CYTH3: variants seen among roughly 807,000 people sequenced by gnomAD.
CYTH3 encodes cytohesin-3.
Under a neutral mutation model 55.1 loss-of-function variants are expected in CYTH3, and 23 were observed. That is an observed-to-expected ratio of 0.42 (90% CI 0.30 to 0.59). CYTH3 has a LOEUF of 0.59. CYTH3 is among the 20% of genes least tolerant of loss of function. The pLI is 0.20. For synonymous variants in CYTH3, 249 were observed against 194.9 expected (o/e 1.28, Z -2.31); for missense variants, 413 against 524.8 (o/e 0.79, Z 2.08).
chr7:6,198,060 C>T (rs557110448), intron 1 of CYTH3, among the ~76,000 whole-genome samples: 3 of 143,274 alleles, frequency 2.1e-5, no homozygotes, highest in East Asian at 4.9e-4. Flanking sequence ...TGCTACTGCA[C>T]TCCAACCTGA....
chr7:6,187,199 C>G (rs1027560929), intron 3 of CYTH3, 83 bp from the exon 4 acceptor site: 1 of 1,437,560 alleles, frequency 7.0e-7, no homozygotes, highest in Non-Finnish European at 9.8e-7. Context: ...TACTTTCCCC[C>G]GCAACAACGG....
chr7:6,258,312 CAAAAA>C (rs1203222006), intron 1 of CYTH3, among the ~76,000 whole-genome samples: 1 of 123,066 alleles, frequency 8.1e-6, no homozygotes, highest in Admixed American at 8.3e-5. Flanking sequence ...GACACAGTCT[CAAAAA>C]AAAAAAAGAA....
At chr7:6,180,910 A>G (rs1338748861) in intron 4 of CYTH3, among the ~76,000 whole-genome samples, 3 of 152,104 alleles carry the variant, frequency 2.0e-5, no homozygotes, top group Admixed American at 6.5e-5. Context: ...CTTTAGCCCA[A>G]TCAAATCTAC....
intron 1 of CYTH3, among the ~76,000 whole-genome samples, chr7:6,198,593 A>G (rs370558153): frequency 1.3e-5 from 2 of 152,322 alleles, no homozygotes; most frequent in South Asian, 4.1e-4. Flanking sequence ...GACATCATGT[A>G]TGTTTTGTTA....
intron 1 of CYTH3, among the ~76,000 whole-genome samples, chr7:6,271,638 T>C (rs187419476): frequency 6.6e-6 from 1 of 152,276 alleles, no homozygotes; most frequent in Admixed American, 6.5e-5. Context: ...CAGCAGTCAT[T>C]TGTATTCCAC....
rs375411974 is a variant in CYTH3 at position 6,171,190 on chromosome 7, C to T, written c.562+12G>A. 4 of 1,613,848 alleles carry T rather than the reference C, an allele frequency of 2.5e-6. No individual in the cohort carries two copies. Among genetic ancestry groups the T allele is most frequent in the African/African-American group, 1.3e-5 (1 of 74,912 alleles). On this transcript the variant is annotated intron_variant, in intron 7 of 12. Coordinates refer to ENST00000350796, the MANE Select transcript of CYTH3 (RefSeq NM_004227.4). This position sits in a 1 kb window ranked among gnomAD's most constrained non-coding sequence, Gnocchi z 6.7. ...GCCTGGCAAGGGGCCAGGCTGTGGG[C>T]TCTGCACTGACCTGTGGACTGGAAG...
chr7:6,227,784 T>C (rs1583179048), intron 1 of CYTH3, among the ~76,000 whole-genome samples: 2 of 152,218 alleles, frequency 1.3e-5, no homozygotes, highest in Non-Finnish European at 2.9e-5. Flanking sequence ...CGATATCTCA[T>C]AAACTTTATT....
intron 1 of CYTH3, among the ~76,000 whole-genome samples, chr7:6,267,660 A>C (rs1361810541): frequency 6.6e-6 from 1 of 152,096 alleles, no homozygotes; most frequent in Non-Finnish European, 1.5e-5. Flanking sequence ...AGCAGCTGGG[A>C]CTACAGGTGC....
At chr7:6,237,580 C>T (rs530405964) in intron 1 of CYTH3, among the ~76,000 whole-genome samples, 15 of 152,166 alleles carry the variant, frequency 9.9e-5, no homozygotes, top group African/African-American at 3.1e-4. Context: ...TGGTGGCACG[C>T]GCCTGTTATC....
chr7:6,195,940 A>G (rs559478707), intron 1 of CYTH3, among the ~76,000 whole-genome samples: 40 of 152,216 alleles, frequency 2.6e-4, no homozygotes, highest in Non-Finnish European at 5.1e-4. Flanking sequence ...GGAGATCCAA[A>G]GTCATGCAAC....
intron 4 of CYTH3, among the ~76,000 whole-genome samples, chr7:6,179,533 C>G (rs1413379393): frequency 6.6e-6 from 1 of 151,880 alleles, no homozygotes; most frequent in South Asian, 2.1e-4. Flanking sequence ...TAAATCAATT[C>G]TCATATGTAT....
At chr7:6,203,077 G>A (rs1784096341) in intron 1 of CYTH3, among the ~76,000 whole-genome samples, 1 of 151,906 alleles carries the variant, frequency 6.6e-6, no homozygotes, top group Admixed American at 6.6e-5. Context: ...ACTAGATAAT[G>A]ATATTTTGTT....
At chr7:6,190,348 T>TTTTTTTTTTTTTTTTTTTTTTTTTGGG in intron 2 of CYTH3, 101 bp downstream of exon 2, 1 of 687,638 alleles carries the variant, frequency 1.5e-6, no homozygotes, top group Non-Finnish European at 2.0e-6. Flanking sequence ...GTTTTTGGGT[T>TTTTTTTTTTTTTTTTTTTTTTTTTGGG]TTTTTTTTTT....
At chr7:6,231,834 A>G (rs1462464767) in intron 1 of CYTH3, among the ~76,000 whole-genome samples, 2 of 152,192 alleles carry the variant, frequency 1.3e-5, no homozygotes, top group African/African-American at 4.8e-5. Flanking sequence ...AGGAGCTCAA[A>G]TAATGGTTTA....
At chr7:6,217,493 T>C (rs1479483423) in intron 1 of CYTH3, among the ~76,000 whole-genome samples, 1 of 152,248 alleles carries the variant, frequency 6.6e-6, no homozygotes, top group South Asian at 2.1e-4. Context: ...TACTATATAA[T>C]GATCCATCAA....
intron 2 of CYTH3, among the ~76,000 whole-genome samples, chr7:6,188,115 T>C (rs1783702111): frequency 6.6e-6 from 1 of 152,036 alleles, no homozygotes; most frequent in South Asian, 2.1e-4. Context: ...TCGCTTGAGA[T>C]CAGGAGTTTG....
In CYTH3 at chr7:6,235,617, G is replaced by C. The variant is rs965179944; in HGVS notation, c.34+36857C>G. Among the ~76,000 whole-genome samples, 3 of 151,958 alleles carry C rather than the reference G, an allele frequency of 2.0e-5. No individual in the cohort carries two copies. The South Asian group carries it at 6.2e-4, about 32-fold the overall frequency. ...CCGTACTTCTCAGAAACCTACCACGGGTTCTTTCTTATACACGGGAGTCGT... is the reference window on the plus strand; with the variant it reads ...CCGTACTTCTCAGAAACCTACCACGCGTTCTTTCTTATACACGGGAGTCGT... On this transcript the variant is annotated intron_variant, in intron 1 of 12. Transcript: ENST00000350796.
chr7:6,216,556 C>T (rs1356479702), intron 1 of CYTH3, among the ~76,000 whole-genome samples: 1 of 151,548 alleles, frequency 6.6e-6, no homozygotes, highest in East Asian at 1.9e-4. Context: ...CTTGTCAACA[C>T]CGCAAGACCC....
intron 1 of CYTH3, among the ~76,000 whole-genome samples, chr7:6,224,962 T>C (rs188967827): frequency 6.6e-6 from 1 of 152,378 alleles, no homozygotes; most frequent in African/African-American, 2.4e-5. Context: ...CACATACTGC[T>C]TGATTCTATT....
Sources: gnomAD v4.1 joint callset for allele counts (sites outside exome capture counted in the v4.1 genomes callset) on GRCh38, gnomAD v4.1.1 for gene constraint, Gnocchi (gnomAD v3.1) non-coding constraint, MANE v1.5 for transcripts, NCBI Gene and HGNC (gene_info 2026-07-23, HGNC 2026-07-21) for gene names.